ARHGAP44: variants seen among roughly 807,000 people sequenced by gnomAD.
The protein encoded by ARHGAP44 is Rho GTPase activating protein 44.
A neutral mutation model predicts 106.8 loss-of-function variants in ARHGAP44; 43 were observed. That is an observed-to-expected ratio of 0.40 (90% CI 0.32 to 0.52). The LOEUF is 0.52. Among genes scored for constraint, ARHGAP44 ranks in the 20% least tolerant of loss-of-function variants. The probability of loss-of-function intolerance (pLI) is 0.48; values close to 1 mark genes in which losing one functional copy is unlikely to be tolerated. For missense variants in ARHGAP44, 866 were observed against 1,050.5 expected, an observed-to-expected ratio of 0.82 and a Z score of 2.43; for synonymous variants, 439 against 410.3, an observed-to-expected ratio of 1.07 and a Z score of -0.85.
chr17:12,883,723 C>T (rs1476320171), intron 1 of ARHGAP44, among the ~76,000 whole-genome samples: 1 of 152,044 alleles, frequency 6.6e-6, no homozygotes, highest in Non-Finnish European at 1.5e-5. Context: ...TGACTTCTGA[C>T]CTTTGATATT....
chr17:12,825,283 C>T (rs1360358040), intron 1 of ARHGAP44, among the ~76,000 whole-genome samples: 1 of 152,050 alleles, frequency 6.6e-6, no homozygotes, highest in Non-Finnish European at 1.5e-5. Flanking sequence ...AGCCATCTTC[C>T]CACCTTGGCC....
Position 12,896,560 on chromosome 17 carries a change from C to G in ARHGAP44, c.198+49C>G, listed in dbSNP as rs148457740. Reference sequence around the variant, plus strand: ...GAGCTGAAATCTTGCCTACTGAGGACAAGGTTCCTACTCCTGTGACACTCC... The same window carrying G: ...GAGCTGAAATCTTGCCTACTGAGGAGAAGGTTCCTACTCCTGTGACACTCC... On this transcript the variant is annotated intron_variant, in intron 3 of 20. Transcript: ENST00000379672. 18 of 1,498,076 alleles carry G rather than the reference C, an allele frequency of 1.2e-5. No homozygotes were observed. In the East Asian group the frequency reaches 2.2e-4, roughly 18 times the overall value. The allele number at this position is 1,498,076 out of a possible 1,614,324, so 92.8% of individuals were successfully genotyped here. A position where few individuals can be genotyped will look rare whatever the true frequency, so the allele number is the denominator to read the frequency against.
intron 1 of ARHGAP44, among the ~76,000 whole-genome samples, chr17:12,834,381 T>G (rs1461160926): frequency 2.0e-5 from 3 of 152,212 alleles, no homozygotes; most frequent in Non-Finnish European, 2.9e-5. Flanking sequence ...TATGAATTTT[T>G]TAAATATTGG....
intron 9 of ARHGAP44, 108 bp from the exon 10 acceptor site, chr17:12,943,961 C>G (rs939744158): frequency 1.4e-6 from 2 of 1,403,916 alleles, no homozygotes; most frequent in African/African-American, 2.9e-5. Context: ...ATTGGGCCTC[C>G]CTCTCTTTGG....
chr17:12,921,262 C>T (rs1250580800), intron 6 of ARHGAP44, among the ~76,000 whole-genome samples: 1 of 151,966 alleles, frequency 6.6e-6, no homozygotes, highest in Non-Finnish European at 1.5e-5. Flanking sequence ...ACACAGGGTT[C>T]CGCCACGTTG....
At chr17:12,908,386 G>A (rs1332780782) in intron 3 of ARHGAP44, among the ~76,000 whole-genome samples, 1 of 151,782 alleles carries the variant, frequency 6.6e-6, no homozygotes, top group Non-Finnish European at 1.5e-5. Context: ...TAGTAGAGAC[G>A]GGCTTTCACC....
chr17:12,899,036 T>C (rs2037297404), intron 3 of ARHGAP44, among the ~76,000 whole-genome samples: 1 of 152,100 alleles, frequency 6.6e-6, no homozygotes, highest in Non-Finnish European at 1.5e-5. Flanking sequence ...AGTGGCGCAA[T>C]CTCGGCTCAC....
Position 12,827,111 on chromosome 17 carries a change from A to AT in ARHGAP44, c.53+37225dup, listed in dbSNP as rs575513334. ...ACTTCTCAGGCCATGACATACTATC[A>AT]TTTTTGGTCTCTGTAACCCTGTTCT... On this transcript the variant is annotated intron_variant, in intron 1 of 20. Coordinates refer to ENST00000379672, the MANE Select transcript of ARHGAP44 (RefSeq NM_014859.6). Among the ~76,000 whole-genome samples, 695 of 152,128 alleles carry AT rather than the reference A, an allele frequency of 4.6e-3. 5 individuals are homozygous for AT. Among genetic ancestry groups the AT allele is most frequent in the Middle Eastern group, 0.014 (4 of 294 alleles).
At chr17:12,929,416 T>C (rs1244061007) in intron 7 of ARHGAP44, 1 of 160,766 alleles carries the variant, frequency 6.2e-6, no homozygotes, top group Non-Finnish European at 1.4e-5. Flanking sequence ...TGTTGATACT[T>C]AGTTATTTCC....
At chr17:12,941,815 C>G (rs990439663) in intron 8 of ARHGAP44, among the ~76,000 whole-genome samples, 6 of 151,836 alleles carry the variant, frequency 4.0e-5, no homozygotes, top group Non-Finnish European at 7.4e-5. Flanking sequence ...AAATGCAAAG[C>G]AAGTCAAAAA....
chr17:12,829,831 C>T (rs907478120), intron 1 of ARHGAP44, among the ~76,000 whole-genome samples: 1 of 152,138 alleles, frequency 6.6e-6, no homozygotes, highest in Non-Finnish European at 1.5e-5. Context: ...TGATCCAACC[C>T]CCATCCTCTG....
chr17:12,975,053 C>T (rs1452293373), intron 18 of ARHGAP44, among the ~76,000 whole-genome samples: 1 of 151,932 alleles, frequency 6.6e-6, no homozygotes, highest in Non-Finnish European at 1.5e-5. Flanking sequence ...TTTCACTATG[C>T]TGGCCAGGCT....
intron 13 of ARHGAP44, among the ~76,000 whole-genome samples, chr17:12,955,472 C>T (rs989593051): frequency 4.6e-5 from 7 of 152,168 alleles, no homozygotes; most frequent in African/African-American, 9.7e-5. Flanking sequence ...AGAAACACCA[C>T]CCCTAGCATG....
chr17:12,911,488 G>T (rs1390635052), intron 4 of ARHGAP44, among the ~76,000 whole-genome samples: 3 of 152,204 alleles, frequency 2.0e-5, no homozygotes, highest in Non-Finnish European at 4.4e-5. Context: ...AAGATCCCAT[G>T]TAAATTACAT....
intron 1 of ARHGAP44, among the ~76,000 whole-genome samples, chr17:12,830,221 A>C (rs2035044358): frequency 6.6e-6 from 1 of 152,222 alleles, no homozygotes; most frequent in Admixed American, 6.5e-5. Context: ...AATTATCTTA[A>C]GCCAAAGAAC....
At chr17:12,929,279 A>G in intron 7 of ARHGAP44, 1 of 399,224 alleles carries the variant, frequency 2.5e-6, no homozygotes, top group Non-Finnish European at 4.7e-6. Flanking sequence ...GTGGTCCTGC[A>G]TGCTAGGCAA....
At chr17:12,902,316 A>G (rs1318346997) in intron 3 of ARHGAP44, among the ~76,000 whole-genome samples, 1 of 152,184 alleles carries the variant, frequency 6.6e-6, no homozygotes, top group East Asian at 1.9e-4. Flanking sequence ...GCTCTTACCC[A>G]GCATTTCAAG....
intron 16 of ARHGAP44, among the ~76,000 whole-genome samples, chr17:12,964,709 A>G (rs759791692): frequency 4.6e-5 from 7 of 152,088 alleles, no homozygotes; most frequent in Admixed American, 4.6e-4. Flanking sequence ...GCTTGAATCC[A>G]GGAGGCAGAG....
chr17:12,830,752 C>T lies in ARHGAP44; in HGVS notation c.53+40861C>T, dbSNP rs573877815. Among the ~76,000 whole-genome samples the T allele has an allele frequency of 9.3e-3, 1,378 of 148,302 alleles. 10 individuals are homozygous for T. The highest frequency in any genetic ancestry group is 0.014 in the Non-Finnish European group (963 of 67,242). On this transcript the variant is annotated intron_variant, in intron 1 of 20. Transcript: ENST00000379672. ...GAAGAAATATGTTATTATTTTTTTT[C>T]CTTTTGATAGGGAGCTATTCCTGAC...
Sources: allele counts gnomAD v4.1 joint callset (sites outside exome capture counted in the v4.1 genomes callset), GRCh38; gene constraint gnomAD v4.1.1; transcripts MANE v1.5; gene names NCBI Gene and HGNC (gene_info 2026-07-23, HGNC 2026-07-21).